Variants in NAV1 observed in about 807,000 individuals in gnomAD.
The protein encoded by NAV1 is pore membrane and/or filament interacting like protein 3.
In NAV1, 18 loss-of-function variants were observed where a neutral mutation model predicts 175.2. That is an observed-to-expected ratio of 0.10 (90% CI 0.07 to 0.15). The LOEUF is 0.15. NAV1 is among the 10% of genes least tolerant of loss of function. The pLI is 1.00. For missense variants in NAV1, 1,731 were observed against 2,436.6 expected (o/e 0.71, Z 6.10); for synonymous variants, 897 against 978.7 (o/e 0.92, Z 1.56).
intron 1 of NAV1, among the ~76,000 whole-genome samples, chr1:201,652,898 C>A (rs568199642): frequency 2.6e-5 from 4 of 152,116 alleles, no homozygotes. Flanking sequence ...CCTCACGTAC[C>A]GAACGTCACA....
Position 201,550,172 on chromosome 1 carries a change from CT to C in NAV1, c.-144+10839del, listed in dbSNP as rs199627663. 4.0e-5 allele frequency among the ~76,000 whole-genome samples: 6 copies of C among 151,314 alleles called. No individual in the cohort carries two copies. In the South Asian group the frequency reaches 6.3e-4, roughly 16 times the overall value. Reference sequence around the variant, plus strand: ...TAATTTAAAAAAAATTATAATTTCACTTTTTTTTTGTTTTTAAGAGACGGGG... The same window carrying C: ...TAATTTAAAAAAAATTATAATTTCACTTTTTTTTGTTTTTAAGAGACGGGG... On this transcript the variant is annotated intron_variant, in intron 1 of 33. Transcript: ENST00000685211.
intron 1 of NAV1, among the ~76,000 whole-genome samples, chr1:201,558,055 ACT>A (rs1325311000): frequency 3.3e-5 from 5 of 152,232 alleles, no homozygotes; most frequent in African/African-American, 1.2e-4. Context: ...TAGCTGTGCG[ACT>A]TCGTGCATAT....
At chr1:201,794,854 CCAT>C in intron 15 of NAV1, 1 of 389,312 alleles carries the variant, frequency 2.6e-6, no homozygotes, top group Non-Finnish European at 4.7e-6. Flanking sequence ...CCATCAAAGA[CCAT>C]CGTTAAAATA....
At chr1:201,702,345 G>A (rs1302453215) in intron 1 of NAV1, among the ~76,000 whole-genome samples, 1 of 152,116 alleles carries the variant, frequency 6.6e-6, no homozygotes, top group Non-Finnish European at 1.5e-5. Flanking sequence ...AAAAACAATT[G>A]AACTGTACAT....
chr1:201,824,943 T>A (rs1400499038), exon 30 of NAV1: 1 of 152,138 alleles, frequency 6.6e-6, no homozygotes, highest in African/African-American at 2.4e-5. Flanking sequence ...TAAATTCAAC[T>A]GTTTTAAAGG....
intron 1 of NAV1, among the ~76,000 whole-genome samples, chr1:201,585,651 T>G (rs1667004659): frequency 1.3e-5 from 2 of 152,066 alleles, no homozygotes; most frequent in South Asian, 4.1e-4. Context: ...AATGGGAAAA[T>G]GACTTGAATA....
chr1:201,746,661 T>C (rs146794502), intron 3 of NAV1, among the ~76,000 whole-genome samples: 68 of 152,290 alleles, frequency 4.5e-4, no homozygotes, highest in African/African-American at 1.6e-3. Context: ...AGGAGCGCAG[T>C]GAGTGTGGGA....
At chr1:201,805,729 C>T (rs1193187250) in intron 17 of NAV1, among the ~76,000 whole-genome samples, 1 of 151,936 alleles carries the variant, frequency 6.6e-6, no homozygotes, top group Non-Finnish European at 1.5e-5. Context: ...TCAAGATCAG[C>T]CTGGGCAACA....
intron 3 of NAV1, among the ~76,000 whole-genome samples, chr1:201,760,370 TA>T (rs1271245024): frequency 1.3e-5 from 2 of 152,214 alleles, no homozygotes; most frequent in African/African-American, 4.8e-5. Flanking sequence ...TAAACTTTTT[TA>T]AAAAAGAATA....
In NAV1 at chr1:201,813,090, G is replaced by T. The variant is rs556823948; in HGVS notation, c.5222-50G>T. The T allele has an allele frequency of 1.5e-6, 2 of 1,341,546 alleles. No homozygotes were observed. The highest frequency in any genetic ancestry group is 4.6e-5 in the East Asian group (2 of 43,584). The allele number at this position is 1,341,546 out of a possible 1,614,324, so 83.1% of individuals were successfully genotyped here. A position where few individuals can be genotyped will look rare whatever the true frequency, so the allele number is the denominator to read the frequency against. On this transcript the variant is annotated intron_variant, in intron 27 of 29. Transcript: ENST00000367296. This position sits in a 1 kb window ranked among gnomAD's most constrained non-coding sequence, Gnocchi z 4.2. Reference sequence around the variant, plus strand: ...TAAGGAGTAAAAGAGGCACACAACCGGGAAGATCTAGGTTCCCAGCCATCT... The same window carrying T: ...TAAGGAGTAAAAGAGGCACACAACCTGGAAGATCTAGGTTCCCAGCCATCT...
At position 201,810,870 on chromosome 1, in the gene NAV1, ATCTT is replaced by A. The variant is rs1210992057; in HGVS notation, c.4797+117_4797+120del. ...TTCCCTTTTCCTCACCTCTGCCTTCATCTTTCTTCTCTTCTGTGTTCATTTCCTT... is the reference window on the plus strand; with the variant it reads ...TTCCCTTTTCCTCACCTCTGCCTTCATCTTCTCTTCTGTGTTCATTTCCTT... On this transcript the variant is annotated intron_variant, in intron 24 of 29. Coordinates refer to ENST00000367296, the Ensembl canonical transcript of NAV1. This position sits in a 1 kb window ranked among gnomAD's most constrained non-coding sequence, Gnocchi z 6.0. 2 of 735,250 alleles carry A rather than the reference ATCTT, an allele frequency of 2.7e-6. No individual in the cohort carries two copies. Among genetic ancestry groups the A allele is most frequent in the African/African-American group, 3.5e-5 (2 of 56,350 alleles). 45.5% of individuals were successfully genotyped at this position (735,250 alleles called of 1,614,324 possible). A position where few individuals can be genotyped will look rare whatever the true frequency, so the allele number is the denominator to read the frequency against.
chr1:201,638,182 C>T (rs1668660057), intron 2 of NAV1, among the ~76,000 whole-genome samples: 1 of 152,160 alleles, frequency 6.6e-6, no homozygotes, highest in African/African-American at 2.4e-5. Flanking sequence ...ATCAAGAAGA[C>T]AACCCAGAAC....
intron 3 of NAV1, among the ~76,000 whole-genome samples, chr1:201,728,504 G>C (rs1672706835): frequency 6.7e-6 from 1 of 149,104 alleles, no homozygotes; most frequent in Non-Finnish European, 1.5e-5. Context: ...TGAGGTAGGA[G>C]AATCACTTGT....
chr1:201,590,881 G>A (rs1254513705), intron 2 of NAV1, among the ~76,000 whole-genome samples: 2 of 152,198 alleles, frequency 1.3e-5, no homozygotes, highest in African/African-American at 2.4e-5. Context: ...CCAGCTTGTC[G>A]ATGACTGAGG....
rs112032448 is a variant in NAV1 at position 201,818,737 on chromosome 1, T to C, written c.5539-1100T>C. On this transcript the variant is annotated intron_variant, in intron 29 of 29. Transcript: ENST00000367296. ...GGAGTGGTTGTTGATAAAACCATTT[T>C]GGAAGATAATTTGGCAGATTATATT... Among the ~76,000 whole-genome samples, 301 of 152,342 alleles carry C rather than the reference T, an allele frequency of 2.0e-3. 3 individuals are homozygous for C. The highest frequency in any genetic ancestry group is 6.4e-3 in the African/African-American group (264 of 41,572).
At chr1:201,612,963 G>A (rs1377772000) in intron 2 of NAV1, among the ~76,000 whole-genome samples, 2 of 152,148 alleles carry the variant, frequency 1.3e-5, no homozygotes, top group East Asian at 1.9e-4. Flanking sequence ...CTGAGGTGAA[G>A]CCCAAGTTGA....
intron 1 of NAV1, among the ~76,000 whole-genome samples, chr1:201,689,451 C>T (rs1288490246): frequency 6.6e-6 from 1 of 152,200 alleles, no homozygotes; most frequent in African/African-American, 2.4e-5. Context: ...CAGCTCCTTT[C>T]CTTCAATGAG....
At chr1:201,642,981 A>G (rs934383584) in intron 2 of NAV1, among the ~76,000 whole-genome samples, 2 of 150,756 alleles carry the variant, frequency 1.3e-5, no homozygotes, top group Non-Finnish European at 2.9e-5. Flanking sequence ...TCACCGTGTT[A>G]GCCAGGATGG....
At chr1:201,809,911 T>C in intron 22 of NAV1, 35 bp from the exon 27 acceptor site, 1 of 1,591,486 alleles carries the variant, frequency 6.3e-7, no homozygotes. Context: ...TGTGTTTGTA[T>C]ATTTTCTTCT....
Sources: allele counts gnomAD v4.1 joint callset (sites outside exome capture counted in the v4.1 genomes callset), GRCh38; gene constraint gnomAD v4.1.1; non-coding constraint Gnocchi (gnomAD v3.1); transcripts MANE v1.5; gene names NCBI Gene and HGNC (gene_info 2026-07-23, HGNC 2026-07-21).